The following RANBP17 variants were observed in gnomAD, a reference collection of about 807,000 sequenced individuals.
RANBP17 encodes RAN binding protein 17, also known as ran-binding protein 17.
In RANBP17, 158 loss-of-function variants were observed where a neutral mutation model predicts 141.2. The observed-to-expected ratio is 1.12, with a 90% CI of 0.98 to 1.28. The LOEUF is 1.28. RANBP17 is among the 50% of genes most tolerant of loss of function. The pLI is 0.00. For synonymous variants in RANBP17, 430 were observed against 450.0 expected (o/e 0.96, Z 0.56); for missense variants, 1,438 against 1,290.7 (o/e 1.11, Z -1.75).
intron 12 of RANBP17, among the ~76,000 whole-genome samples, chr5:170,946,623 C>G (rs1484471134): frequency 6.6e-6 from 1 of 152,176 alleles, no homozygotes; most frequent in African/African-American, 2.4e-5. Context: ...CTAACCAACA[C>G]ATGACCTTTT....
At position 170,881,926 on chromosome 5, in the gene RANBP17, C is replaced by T. The variant is rs1768732581; in HGVS notation, c.256+30C>T. 5 of 1,425,344 alleles carry T rather than the reference C, an allele frequency of 3.5e-6. No individual in the cohort carries two copies. The East Asian group carries it at 1.1e-4, about 33-fold the overall frequency. 88.3% of individuals were successfully genotyped at this position (1,425,344 alleles called of 1,614,324 possible). A position where few individuals can be genotyped will look rare whatever the true frequency, so the allele number is the denominator to read the frequency against. The stretch of plus-strand genomic sequence containing the variant: ...GTGGCTTATTATGCTTTTTAACCAA[C>T]TGCGCTTTAAAAATCTTTTTCTTTT... On this transcript the variant is annotated intron_variant, in intron 3 of 27. Transcript: ENST00000523189.
At chr5:171,116,889 C>T (rs1409266717) in intron 14 of RANBP17, among the ~76,000 whole-genome samples, 1 of 152,168 alleles carries the variant, frequency 6.6e-6, no homozygotes, top group Non-Finnish European at 1.5e-5. Flanking sequence ...CTTTCTTAGC[C>T]TCCACATGTG....
At chr5:170,934,720 C>G (rs1036582904) in intron 12 of RANBP17, among the ~76,000 whole-genome samples, 2 of 152,222 alleles carry the variant, frequency 1.3e-5, no homozygotes, top group African/African-American at 4.8e-5. Context: ...CGACCTTTCT[C>G]TCTAGCTGCC....
At chr5:170,980,032 C>T (rs1012156811) in intron 14 of RANBP17, among the ~76,000 whole-genome samples, 1 of 152,136 alleles carries the variant, frequency 6.6e-6, no homozygotes, top group African/African-American at 2.4e-5. Flanking sequence ...CTGATGTGAT[C>T]TCAGATGGAG....
intron 14 of RANBP17, among the ~76,000 whole-genome samples, chr5:171,006,023 A>AT (rs1250743191): frequency 6.6e-6 from 1 of 152,188 alleles, no homozygotes; most frequent in East Asian, 1.9e-4. Context: ...CATCAGAGAA[A>AT]TGCAAATCAA....
chr5:171,275,475 C>T (rs1409445208), intron 25 of RANBP17, among the ~76,000 whole-genome samples: 3 of 152,088 alleles, frequency 2.0e-5, no homozygotes, highest in Non-Finnish European at 4.4e-5. Flanking sequence ...GGAGCTTTCA[C>T]TATTACCACA....
intron 14 of RANBP17, among the ~76,000 whole-genome samples, chr5:171,099,005 G>T (rs1297280446): frequency 1.3e-5 from 2 of 152,104 alleles, no homozygotes; most frequent in Non-Finnish European, 2.9e-5. Context: ...ATCCTGTTTT[G>T]GTTACAGTAG....
chr5:171,159,945 AAAAG>A (rs1370523620), intron 14 of RANBP17, among the ~76,000 whole-genome samples: 4 of 151,218 alleles, frequency 2.6e-5, no homozygotes, highest in East Asian at 3.9e-4. Flanking sequence ...AAAAAAAGAA[AAAAG>A]AAGAAAATTT....
rs1773712084 is a variant in RANBP17, at chr5:170,934,715, T to C, written c.1468+10165T>C. 2.0e-5 allele frequency among the ~76,000 whole-genome samples: 3 copies of C among 152,236 alleles called. No homozygotes were observed. In the South Asian group the frequency reaches 6.2e-4, roughly 31 times the overall value. On this transcript the variant is annotated intron_variant, in intron 12 of 27. Transcript: ENST00000523189. ...GCTTCCCTTTGTGGGTAACCCGACC[T>C]TTCTCTCTAGCTGCCCTTAACATTT...
At chr5:171,054,814 T>G (rs1783231819) in intron 14 of RANBP17, among the ~76,000 whole-genome samples, 1 of 152,108 alleles carries the variant, frequency 6.6e-6, no homozygotes, top group Non-Finnish European at 1.5e-5. Flanking sequence ...ATCCTTAATC[T>G]TAAGGGTTGT....
intron 11 of RANBP17, 66 bp from the exon 12 acceptor site, chr5:170,924,291 T>G (rs1772729855): frequency 9.7e-7 from 1 of 1,029,620 alleles, no homozygotes; most frequent in Non-Finnish European, 1.4e-6. Flanking sequence ...AACATGAAGT[T>G]TATTTGTGGT....
intron 25 of RANBP17, among the ~76,000 whole-genome samples, chr5:171,292,035 G>T (rs188372162): frequency 5.9e-5 from 9 of 152,108 alleles, no homozygotes; most frequent in Admixed American, 4.6e-4. Flanking sequence ...TAAAATATCC[G>T]TTCTGCCTTC....
At chr5:171,058,433 T>C (rs1783561883) in intron 14 of RANBP17, among the ~76,000 whole-genome samples, 1 of 150,888 alleles carries the variant, frequency 6.6e-6, no homozygotes, top group Non-Finnish European at 1.5e-5. Context: ...GTCCTTGTGA[T>C]AGTTTGCTGA....
chr5:171,287,206 A>G (rs1384030199), intron 25 of RANBP17, among the ~76,000 whole-genome samples: 2 of 152,156 alleles, frequency 1.3e-5, no homozygotes, highest in African/African-American at 4.8e-5. Context: ...AGATTAACAG[A>G]TTGGCCGGGT....
At chr5:170,910,650 C>T in intron 6 of RANBP17, 1 of 213,002 alleles carries the variant, frequency 4.7e-6, no homozygotes, top group Non-Finnish European at 9.4e-6. Flanking sequence ...CACAATATAT[C>T]TAAAAGGTAT....
intron 14 of RANBP17, among the ~76,000 whole-genome samples, chr5:171,086,550 C>T (rs976116036): frequency 2.3e-5 from 3 of 131,744 alleles, no homozygotes; most frequent in Non-Finnish European, 4.8e-5. Flanking sequence ...ACCAGTTCCT[C>T]CTTGTACCTC....
At chr5:170,957,569 T>A (rs2127506993) in intron 13 of RANBP17, among the ~76,000 whole-genome samples, 1 of 152,344 alleles carries the variant, frequency 6.6e-6, no homozygotes, top group East Asian at 1.9e-4. Flanking sequence ...AACAAGGTGA[T>A]ACTCTGCCTT....
chr5:170,933,188 T>A (rs1309220884), intron 12 of RANBP17, among the ~76,000 whole-genome samples: 1 of 152,228 alleles, frequency 6.6e-6, no homozygotes, highest in Non-Finnish European at 1.5e-5. Flanking sequence ...GATTTTCTAA[T>A]TTATTTGTGT....
Position 170,909,685 on chromosome 5 carries a change from A to T in RANBP17, c.514A>T (p.Lys172Ter). The T allele has an allele frequency of 6.3e-7, 1 of 1,590,816 alleles. No individual in the cohort carries two copies. The highest frequency in any genetic ancestry group is 8.6e-7 in the Non-Finnish European group (1 of 1,162,280). Residue 172 changes from lysine to a stop codon, truncating the protein, a stop_gained, in exon 6 of 28, where the codon AAA (lysine) becomes TAA (stop). Transcript: ENST00000523189. LOFTEE classifies it high-confidence loss of function. Reference sequence around the variant, plus strand: ...GGTTGATTATTCTAGACCTTCAGCAAAACACAGGAAAATAGCTACCTCATT... The same window carrying T: ...GGTTGATTATTCTAGACCTTCAGCATAACACAGGAAAATAGCTACCTCATT... ...NLVDYSRPSA[K>*]HRKIATSFRD...
Sources: allele counts gnomAD v4.1 joint callset (sites outside exome capture counted in the v4.1 genomes callset), GRCh38; gene constraint gnomAD v4.1.1; transcripts MANE v1.5; gene names NCBI Gene and HGNC (gene_info 2026-07-23, HGNC 2026-07-21).